Variants in SPAG16 observed in about 807,000 individuals in gnomAD.
SPAG16 encodes the protein sperm associated antigen 16.
In SPAG16, 86 loss-of-function variants were observed where a neutral mutation model predicts 80.4. The observed-to-expected ratio is 1.07, with a 90% CI of 0.90 to 1.28. SPAG16 has a LOEUF of 1.28. Among genes scored for constraint, SPAG16 ranks in the 50% most tolerant of loss-of-function variants. SPAG16 has a pLI of 0.00. For missense variants in SPAG16, 870 were observed against 765.3 expected (o/e 1.14, Z -1.61); for synonymous variants, 294 against 265.9 (o/e 1.11, Z -1.03).
chr2:213,833,580 ATATATAT>A, intron 10 of SPAG16, among the ~76,000 whole-genome samples: 1 of 55,478 alleles, frequency 1.8e-5, no homozygotes, highest in Non-Finnish European at 3.0e-5. Context: ...TATATATAAT[ATATATAT>A]TATATATATA....
In SPAG16 at chr2:214,410,185, T is replaced by C. The variant is rs1289034981; in HGVS notation, c.1766T>C (p.Leu589Pro). Residue 589 changes from leucine to proline, a missense_variant, in exon 16 of 16, where the codon CTA becomes CCA. Transcript: ENST00000331683. ...QASGNGVIHL[L>P]DLKSGEIHKL... ...AGTGGCAATGGTGTTATCCATTTGC[T>C]AGATCTTAAATCTGGGGAGATTCAC... 1 of 1,613,720 alleles carries C rather than the reference T, an allele frequency of 6.2e-7. No individual in the cohort carries two copies. Among genetic ancestry groups the C allele is most frequent in the Non-Finnish European group, 8.5e-7 (1 of 1,179,718 alleles).
At chr2:214,227,223 A>C (rs1013383158) in intron 15 of SPAG16, among the ~76,000 whole-genome samples, 3 of 152,060 alleles carry the variant, frequency 2.0e-5, no homozygotes, top group Admixed American at 6.6e-5. Context: ...GAAATTTTAG[A>C]GATTCCACAT....
intron 15 of SPAG16, among the ~76,000 whole-genome samples, chr2:214,346,197 A>C (rs1200686000): frequency 6.6e-6 from 1 of 152,226 alleles, no homozygotes; most frequent in Non-Finnish European, 1.5e-5. Flanking sequence ...TCAGTCTTGT[A>C]AATTCTAACC....
At chr2:213,650,049 C>T (rs889206718) in intron 10 of SPAG16, among the ~76,000 whole-genome samples, 2 of 150,210 alleles carry the variant, frequency 1.3e-5, no homozygotes, top group Non-Finnish European at 3.0e-5. Context: ...TTTATTTGTT[C>T]TCAAGGAGAA....
intron 10 of SPAG16, among the ~76,000 whole-genome samples, chr2:213,848,019 G>A (rs1015429981): frequency 1.3e-5 from 2 of 152,202 alleles, no homozygotes; most frequent in African/African-American, 4.8e-5. Context: ...TTTATTAAAG[G>A]ACAGGTGATT....
At chr2:214,164,487 T>G (rs1215830276) in intron 15 of SPAG16, among the ~76,000 whole-genome samples, 1 of 152,068 alleles carries the variant, frequency 6.6e-6, no homozygotes, top group African/African-American at 2.4e-5. Context: ...AAATCTAAAT[T>G]ATGCTTTTTG....
At chr2:213,363,388 T>A (rs1420443566) in intron 7 of SPAG16, among the ~76,000 whole-genome samples, 2 of 152,096 alleles carry the variant, frequency 1.3e-5, no homozygotes, top group African/African-American at 4.8e-5. Flanking sequence ...TAAATTATGT[T>A]ATTTTCTATT....
intron 15 of SPAG16, among the ~76,000 whole-genome samples, chr2:214,325,897 T>G (rs909259915): frequency 6.6e-6 from 1 of 152,188 alleles, no homozygotes. Flanking sequence ...TCCAAAGGGT[T>G]AACCACAATT....
At chr2:214,271,693 G>A (rs560895341) in intron 15 of SPAG16, among the ~76,000 whole-genome samples, 33 of 152,072 alleles carry the variant, frequency 2.2e-4, no homozygotes, top group Non-Finnish European at 3.7e-4. Flanking sequence ...CCAGCTACTC[G>A]GAAGGCTGAG....
At chr2:213,726,210 C>T (rs2066764304) in intron 10 of SPAG16, among the ~76,000 whole-genome samples, 1 of 152,228 alleles carries the variant, frequency 6.6e-6, no homozygotes, top group Non-Finnish European at 1.5e-5. Context: ...CGGTGACTGG[C>T]AGTAGACAGT....
At chr2:213,446,657 G>A (rs1297219559) in intron 9 of SPAG16, among the ~76,000 whole-genome samples, 1 of 152,000 alleles carries the variant, frequency 6.6e-6, no homozygotes, top group African/African-American at 2.4e-5. Flanking sequence ...TATTCTTATC[G>A]GGCTTATGTG....
rs1385294329 is a variant in SPAG16 at position 213,878,933 on chromosome 2, C to T, written c.1214+16305C>T. On this transcript the variant is annotated intron_variant, in intron 11 of 15. Transcript: ENST00000331683. ...TTTCCCCAGTGCATGTTTTTGACAA[C>T]AACTTTGTCAAAGATCAGGTGGATG... Among the ~76,000 whole-genome samples the T allele has an allele frequency of 2.0e-5, 3 of 152,012 alleles. No homozygotes were observed. In the East Asian group the frequency reaches 5.8e-4, roughly 29 times the overall value.
At chr2:213,663,941 CTT>C (rs2125193140) in intron 10 of SPAG16, among the ~76,000 whole-genome samples, 1 of 152,128 alleles carries the variant, frequency 6.6e-6, no homozygotes, top group Non-Finnish European at 1.5e-5. Context: ...TTAGTATAAA[CTT>C]AGTTTAAAAC....
In SPAG16 at chr2:213,453,371, A is replaced by C. The variant is rs75022987; in HGVS notation, c.943-36592A>C. Among the ~76,000 whole-genome samples, 1,343 of 152,314 alleles carry C rather than the reference A, an allele frequency of 8.8e-3. 22 individuals carry two copies. The highest frequency in any genetic ancestry group is 0.03 in the African/African-American group (1,253 of 41,568). ...TGAAATCAGAGCTGACTCTAAAACTACTATTCTGCAGTGACAGTATATTTT... is the reference window on the plus strand; with the variant it reads ...TGAAATCAGAGCTGACTCTAAAACTCCTATTCTGCAGTGACAGTATATTTT... On this transcript the variant is annotated intron_variant, in intron 9 of 15. Coordinates refer to ENST00000331683, the MANE Select transcript of SPAG16 (RefSeq NM_024532.5).
chr2:213,360,035 T>A (rs1389967007), intron 7 of SPAG16, among the ~76,000 whole-genome samples: 2 of 152,210 alleles, frequency 1.3e-5, no homozygotes, highest in Non-Finnish European at 2.9e-5. Context: ...ATAGCTTTTC[T>A]CTCTCAACCA....
chr2:214,191,333 A>G (rs2057656245), intron 15 of SPAG16, among the ~76,000 whole-genome samples: 1 of 152,102 alleles, frequency 6.6e-6, no homozygotes, highest in Non-Finnish European at 1.5e-5. Context: ...CTTCGTTGGT[A>G]TACCAACTAA....
chr2:213,819,748 T>TTTGG (rs575480417), intron 10 of SPAG16, among the ~76,000 whole-genome samples: 137 of 151,938 alleles, frequency 9.0e-4, no homozygotes, highest in African/African-American at 3.3e-3. Context: ...TGATTGTTTG[T>TTTGG]TTGGTTGGTT....
intron 14 of SPAG16, among the ~76,000 whole-genome samples, chr2:214,147,227 A>C (rs2055691030): frequency 6.6e-6 from 1 of 152,198 alleles, no homozygotes; most frequent in South Asian, 2.1e-4. Context: ...AAACTATTGC[A>C]CTTGATCATT....
chr2:214,118,337 C>T (rs2054045368), intron 14 of SPAG16, among the ~76,000 whole-genome samples: 1 of 151,974 alleles, frequency 6.6e-6, no homozygotes, highest in Non-Finnish European at 1.5e-5. Context: ...TAGAAGAGGA[C>T]ACTAATAAAT....
Sources: gnomAD v4.1 joint callset for allele counts (sites outside exome capture counted in the v4.1 genomes callset) on GRCh38, gnomAD v4.1.1 for gene constraint, MANE v1.5 for transcripts, NCBI Gene and HGNC (gene_info 2026-07-23, HGNC 2026-07-21) for gene names.